Variants in PTPRS observed in about 807,000 individuals in gnomAD.
The protein encoded by PTPRS is protein tyrosine phosphatase receptor type S.
PTPRS carries 63 observed loss-of-function variants against 215.3 expected under a neutral mutation model. The observed-to-expected ratio is 0.29, with a 90% confidence interval of 0.24 to 0.36. PTPRS has a LOEUF of 0.36. Among genes scored for constraint, PTPRS ranks in the 10% least tolerant of loss-of-function variants. PTPRS has a pLI of 1.00. For synonymous variants in PTPRS, 1,404 were observed against 1,191.4 expected, an observed-to-expected ratio of 1.18 and a Z score of -3.68; for missense variants, 2,258 against 2,825.8, an observed-to-expected ratio of 0.80 and a Z score of 4.56.
intron 25 of PTPRS, among the ~76,000 whole-genome samples, chr19:5,218,151 T>C (rs1027745175): frequency 6.6e-6 from 1 of 151,626 alleles, no homozygotes; most frequent in South Asian, 2.1e-4. Context: ...TTTTTAAACA[T>C]CGTCTTTAGG....
At chr19:5,286,865 C>T (rs1028013108) in intron 1 of PTPRS, among the ~76,000 whole-genome samples, 5 of 152,002 alleles carry the variant, frequency 3.3e-5, no homozygotes, top group Admixed American at 6.6e-5. Context: ...AGGACCTGAG[C>T]CCCTGACTCA....
chr19:5,252,574 C>T (rs1201835413), intron 9 of PTPRS, among the ~76,000 whole-genome samples: 1 of 66,800 alleles, frequency 1.5e-5, no homozygotes, highest in Non-Finnish European at 2.6e-5. Flanking sequence ...GAGATTCTGT[C>T]AAAAAAAAAA....
intron 1 of PTPRS, among the ~76,000 whole-genome samples, chr19:5,318,946 G>A (rs2049952755): frequency 6.6e-6 from 1 of 152,218 alleles, no homozygotes; most frequent in Non-Finnish European, 1.5e-5. Flanking sequence ...CCATTTAACA[G>A]ACAGTGAGTC....
intron 16 of PTPRS, among the ~76,000 whole-genome samples, chr19:5,226,311 C>G (rs2042492843): frequency 6.6e-6 from 1 of 152,188 alleles, no homozygotes; most frequent in South Asian, 2.1e-4. Flanking sequence ...CCCTTTGGCA[C>G]TGGCCTTCCC....
rs1351279122 is a variant in PTPRS at position 5,220,985 on chromosome 19, TGGG to T, written c.3455+12_3455+14del. 6.3e-7 allele frequency: 1 copy of T among 1,592,334 alleles called. No homozygotes were observed. Among genetic ancestry groups the T allele is most frequent in the African/African-American group, 1.3e-5 (1 of 74,452 alleles). ...TGGGGGTGACAAGGAACCCGGAGCA[TGGG>T]GGTGAGCATACTGGACAGGCACGGG... On this transcript the variant is annotated intron_variant, in intron 20 of 37. Transcript: ENST00000262963.
chr19:5,245,323 C>A (rs2044388306), intron 10 of PTPRS, among the ~76,000 whole-genome samples: 1 of 151,792 alleles, frequency 6.6e-6, no homozygotes. Context: ...GGGTCCGGCT[C>A]TGTTGCCCAG....
intron 7 of PTPRS, among the ~76,000 whole-genome samples, chr19:5,260,327 C>T (rs1182968413): frequency 6.6e-6 from 1 of 151,874 alleles, no homozygotes; most frequent in African/African-American, 2.4e-5. Flanking sequence ...TTACAGGCGC[C>T]CACCACCATG....
intron 1 of PTPRS, among the ~76,000 whole-genome samples, chr19:5,288,963 A>G (rs901843735): frequency 6.6e-6 from 1 of 152,230 alleles, no homozygotes; most frequent in Non-Finnish European, 1.5e-5. Flanking sequence ...GACTCCCCCC[A>G]GATCCGCCAC....
intron 1 of PTPRS, among the ~76,000 whole-genome samples, chr19:5,310,319 T>C (rs982681711): frequency 2.8e-5 from 2 of 71,926 alleles, no homozygotes; most frequent in South Asian, 4.5e-4. Flanking sequence ...TTTTCTTTTC[T>C]TTTTTTTTTT....
chr19:5,324,440 T>C (rs534959676), intron 1 of PTPRS, among the ~76,000 whole-genome samples: 1 of 152,184 alleles, frequency 6.6e-6, no homozygotes, highest in African/African-American at 2.4e-5. Context: ...TGGGAGCATT[T>C]TGTGTATGGA....
intron 9 of PTPRS, 44 bp downstream of exon 9, chr19:5,256,064 A>T: frequency 6.7e-7 from 1 of 1,491,702 alleles, no homozygotes; most frequent in Non-Finnish European, 9.3e-7. Context: ...TTCAGAATGT[A>T]AAAATGTGGG....
chr19:5,260,070 T>G (rs941345866), intron 7 of PTPRS, among the ~76,000 whole-genome samples: 13 of 152,154 alleles, frequency 8.5e-5, no homozygotes, highest in Admixed American at 3.3e-4. Flanking sequence ...GGGAAAGGGA[T>G]GGAGCCGACC....
chr19:5,230,622 TATGTTTTAAAA>T (rs1314479368), intron 14 of PTPRS, among the ~76,000 whole-genome samples: 2 of 152,124 alleles, frequency 1.3e-5, no homozygotes, highest in Non-Finnish European at 2.9e-5. Context: ...CATGCTTGGC[TATGTTTTAAAA>T]ATGTTTTTGG....
chr19:5,231,466 C>T lies in PTPRS; in HGVS notation c.1999G>A (p.Glu667Lys). Residue 667 changes from glutamate (E) to lysine (K), a missense_variant, in exon 14 of 38, where the codon GAA becomes AAA. Glu to Lys is a moderately conservative substitution (Grantham distance 56). Transcript: ENST00000262963. ...RYRPLGSEDPEPKEVNGIPPT... is the reference protein window; with the variant it reads ...RYRPLGSEDPKPKEVNGIPPT... Reference sequence around the variant, plus strand: ...GGGATGCCGTTCACCTCCTTGGGTTCCGGGTCCTCTGAGCCCAGCGGTCGG... The same window carrying T: ...GGGATGCCGTTCACCTCCTTGGGTTTCGGGTCCTCTGAGCCCAGCGGTCGG... 1 of 1,612,990 alleles carries T rather than the reference C, an allele frequency of 6.2e-7. No individual in the cohort carries two copies. The highest frequency in any genetic ancestry group is 8.5e-7 in the Non-Finnish European group (1 of 1,179,904).
At chr19:5,331,027 C>T (rs780424336) in intron 1 of PTPRS, among the ~76,000 whole-genome samples, 2 of 151,250 alleles carry the variant, frequency 1.3e-5, no homozygotes, top group South Asian at 2.1e-4. Flanking sequence ...CCCCGCGAGA[C>T]GTCAGGGAGC....
At chr19:5,311,680 C>A (rs561508926) in intron 1 of PTPRS, among the ~76,000 whole-genome samples, 1 of 152,044 alleles carries the variant, frequency 6.6e-6, no homozygotes, top group Non-Finnish European at 1.5e-5. Flanking sequence ...CCCTGGCTGG[C>A]GGCTGGGGTG....
intron 1 of PTPRS, among the ~76,000 whole-genome samples, chr19:5,313,239 C>T (rs993818481): frequency 3.3e-5 from 5 of 152,118 alleles, no homozygotes; most frequent in Non-Finnish European, 7.3e-5. Context: ...TTGGTGACAA[C>T]GCTCGCTGAC....
At chr19:5,308,469 T>C (rs1346335377) in intron 1 of PTPRS, among the ~76,000 whole-genome samples, 1 of 152,082 alleles carries the variant, frequency 6.6e-6, no homozygotes, top group African/African-American at 2.4e-5. Context: ...GCCCAGTACA[T>C]CCACACGGAA....
At chr19:5,307,612 A>G (rs2049540832) in intron 1 of PTPRS, among the ~76,000 whole-genome samples, 1 of 149,982 alleles carries the variant, frequency 6.7e-6, no homozygotes, top group East Asian at 1.9e-4. Context: ...AAATGTTCAC[A>G]GAAGATTTCT....
Sources: gnomAD v4.1 joint callset for allele counts (sites outside exome capture counted in the v4.1 genomes callset) on GRCh38, gnomAD v4.1.1 for gene constraint, MANE v1.5 for transcripts, NCBI Gene and HGNC (gene_info 2026-07-23, HGNC 2026-07-21) for gene names.